PRKN: variants seen among roughly 807,000 people sequenced by gnomAD.
PRKN encodes the protein E3 ubiquitin-protein ligase parkin.
Under a neutral mutation model 59.5 loss-of-function variants are expected in PRKN, and 56 were observed. The ratio of observed to expected loss-of-function variants is 0.94; its 90% CI spans 0.76 to 1.18. The LOEUF is 1.18. Ranked by LOEUF, PRKN falls within the 50% of genes most tolerant of loss-of-function variation. The pLI is 0.00. For missense variants in PRKN, 657 were observed against 596.4 expected (o/e 1.10, Z -1.06); for synonymous variants, 250 against 222.1 (o/e 1.13, Z -1.12).
At chr6:162,222,296 G>A (rs1280762950) in intron 3 of PRKN, among the ~76,000 whole-genome samples, 4 of 152,136 alleles carry the variant, frequency 2.6e-5, no homozygotes, top group Admixed American at 2.6e-4. Flanking sequence ...GAAATCGGTT[G>A]ATTTTGAATT....
Position 161,371,133 on chromosome 6 carries a change from A to G in PRKN, c.1168-10928T>C, listed in dbSNP as rs764920596. 6.6e-6 allele frequency among the ~76,000 whole-genome samples: 1 copy of G among 152,074 alleles called. No individual in the cohort carries two copies. The highest frequency in any genetic ancestry group is 1.5e-5 in the Non-Finnish European group (1 of 68,012). On this transcript the variant is annotated intron_variant, in intron 10 of 11. Transcript: ENST00000366898. The surrounding 1 kb of genome is among the most constrained non-coding windows in gnomAD (Gnocchi z 5.5). ...GTCTTATGACTATCTCTTTTTGGAG[A>G]ATATGTATATATGTATATATTTAAA...
At chr6:162,436,389 A>G (rs1789773344) in intron 2 of PRKN, among the ~76,000 whole-genome samples, 2 of 150,654 alleles carry the variant, frequency 1.3e-5, no homozygotes, top group African/African-American at 2.4e-5. Context: ...CTGGAGTGCA[A>G]TGGCGCAATC....
At chr6:162,469,509 T>TACAC (rs74725154) in intron 1 of PRKN, among the ~76,000 whole-genome samples, 20,924 of 148,950 alleles carry the variant, frequency 0.14, 1,647 homozygotes, top group Non-Finnish European at 0.18. Flanking sequence ...TGTGTGTGTA[T>TACAC]ACACACACAC....
At chr6:161,512,690 T>C (rs1471077922) in intron 9 of PRKN, among the ~76,000 whole-genome samples, 2 of 152,044 alleles carry the variant, frequency 1.3e-5, no homozygotes, top group Non-Finnish European at 2.9e-5. Context: ...GTGAGATGAT[T>C]GTTCTACACG....
chr6:162,193,057 T>C (rs1008134121), intron 4 of PRKN, among the ~76,000 whole-genome samples: 2 of 152,120 alleles, frequency 1.3e-5, no homozygotes, highest in African/African-American at 4.8e-5. Context: ...ACAGTTATCA[T>C]TACAGAGGGA....
intron 5 of PRKN, among the ~76,000 whole-genome samples, chr6:161,993,176 T>C (rs958928042): frequency 1.6e-4 from 24 of 151,944 alleles, no homozygotes; most frequent in African/African-American, 5.3e-4. Context: ...AACTTGGTTT[T>C]TGAAAAAGAT....
chr6:162,109,256 T>C (rs1479508648), intron 4 of PRKN, among the ~76,000 whole-genome samples: 1 of 152,162 alleles, frequency 6.6e-6, no homozygotes, highest in Admixed American at 6.6e-5. Flanking sequence ...ACCTCCAGAG[T>C]TGACTTCCAC....
intron 1 of PRKN, among the ~76,000 whole-genome samples, chr6:162,498,443 T>C (rs1181491870): frequency 8.8e-6 from 1 of 113,302 alleles, no homozygotes; most frequent in Admixed American, 8.9e-5. Flanking sequence ...CTTTTTCTTT[T>C]TTTTTTTTTT....
chr6:161,430,814 C>CA (rs35611748), intron 9 of PRKN, among the ~76,000 whole-genome samples: 1,562 of 58,290 alleles, frequency 0.027, 52 homozygotes, highest in African/African-American at 0.054. Context: ...GACTCCGTCT[C>CA]AAAAAAAAAA....
At chr6:161,803,838 T>C (rs1791195158) in intron 6 of PRKN, among the ~76,000 whole-genome samples, 1 of 152,184 alleles carries the variant, frequency 6.6e-6, no homozygotes, top group South Asian at 2.1e-4. Context: ...CACAGATGCA[T>C]TTCATAAAGG....
rs1263223625 is a variant in PRKN, at chr6:161,550,373, A to G, written c.934-1370T>C. Reference sequence around the variant, plus strand: ...TGAGGCATGACATAATTTGACTAATATTTTAAAGACATCCACCTGGCTGCT... The same window carrying G: ...TGAGGCATGACATAATTTGACTAATGTTTTAAAGACATCCACCTGGCTGCT... On this transcript the variant is annotated intron_variant, in intron 8 of 11. Transcript: ENST00000366898. The surrounding 1 kb of genome is among the most constrained non-coding windows in gnomAD (Gnocchi z 4.0). Among the ~76,000 whole-genome samples the G allele has an allele frequency of 6.6e-6, 1 of 152,186 alleles. No homozygotes were observed. The highest frequency in any genetic ancestry group is 1.5e-5 in the Non-Finnish European group (1 of 68,038).
chr6:162,273,839 T>A (rs1369556311), intron 2 of PRKN, among the ~76,000 whole-genome samples: 1 of 152,198 alleles, frequency 6.6e-6, no homozygotes, highest in African/African-American at 2.4e-5. Context: ...TTTATCAGTA[T>A]GAATTATCAT....
chr6:162,651,739 C>G (rs752521544), intron 1 of PRKN, among the ~76,000 whole-genome samples: 7 of 152,176 alleles, frequency 4.6e-5, no homozygotes, highest in Non-Finnish European at 7.3e-5. Flanking sequence ...TGCTCTAACT[C>G]AAGCAACTTT....
intron 7 of PRKN, among the ~76,000 whole-genome samples, chr6:161,660,058 G>A (rs1443654954): frequency 6.6e-6 from 1 of 152,160 alleles, no homozygotes; most frequent in East Asian, 1.9e-4. Context: ...AAAAAGCATT[G>A]TGACTGCTGT....
intron 1 of PRKN, among the ~76,000 whole-genome samples, chr6:162,719,911 A>C (rs868156271): frequency 2.0e-5 from 3 of 150,650 alleles, no homozygotes; most frequent in South Asian, 2.1e-4. Context: ...AAAAAAAAAA[A>C]AAAAAAAACT....
chr6:162,174,200 C>T (rs871386), intron 4 of PRKN, among the ~76,000 whole-genome samples: 2 of 152,156 alleles, frequency 1.3e-5, no homozygotes, highest in South Asian at 4.1e-4. Context: ...AGGTGATGGG[C>T]TGTCCAAAGC....
intron 5 of PRKN, among the ~76,000 whole-genome samples, chr6:162,037,375 G>A (rs1783887678): frequency 6.6e-6 from 1 of 152,140 alleles, no homozygotes; most frequent in African/African-American, 2.4e-5. Context: ...AAAGATGCAA[G>A]TTATAAAATA....
At chr6:161,718,974 C>T (rs1787106054) in intron 7 of PRKN, among the ~76,000 whole-genome samples, 1 of 152,210 alleles carries the variant, frequency 6.6e-6, no homozygotes, top group South Asian at 2.1e-4. Context: ...AATCCCTTCA[C>T]TCATAACTAA....
chr6:162,553,542 C>CAA lies in PRKN; in HGVS notation c.8-110071_8-110070dup, dbSNP rs57807120. Among the ~76,000 whole-genome samples, 713 of 114,502 alleles carry CAA rather than the reference C, an allele frequency of 6.2e-3. 7 individuals are homozygous for CAA. Among genetic ancestry groups the CAA allele is most frequent in the African/African-American group, 0.01 (331 of 31,966 alleles). The allele number at this position is 114,502 out of a possible 152,430, so 75.1% of individuals were successfully genotyped here. ...CTCGGTTTACCCAAATGTTTACTAC[C>CAA]AAAAAAAAAAAAAAACACCCTAAAG... On this transcript the variant is annotated intron_variant, in intron 1 of 11. Coordinates refer to ENST00000366898, the MANE Select transcript of PRKN (RefSeq NM_004562.3).
Sources: allele counts gnomAD v4.1 joint callset (sites outside exome capture counted in the v4.1 genomes callset), GRCh38; gene constraint gnomAD v4.1.1; non-coding constraint Gnocchi (gnomAD v3.1); transcripts MANE v1.5; gene names NCBI Gene and HGNC (gene_info 2026-07-23, HGNC 2026-07-21).